CAST: variants seen among roughly 807,000 people sequenced by gnomAD.
CAST encodes calpastatin.
A neutral mutation model predicts 119.6 loss-of-function variants in CAST; 76 were observed. That is an observed-to-expected ratio of 0.64 (90% CI 0.53 to 0.77). CAST has a LOEUF of 0.77. Among genes scored for constraint, CAST ranks in the 30% least tolerant of loss-of-function variants. CAST has a pLI of 0.00. For synonymous variants in CAST, 319 were observed against 331.6 expected (o/e 0.96, Z 0.41); for missense variants, 953 against 946.5 (o/e 1.01, Z -0.09).
At chr5:96,359,714 A>T in the CAST span, among the ~76,000 whole-genome samples, 2 of 152,206 alleles carry the variant, frequency 1.3e-5, no homozygotes, top group Non-Finnish European at 2.9e-5. Context: ...TGTTAGGCTG[A>T]TGGGCTTCCC....
the CAST span, among the ~76,000 whole-genome samples, chr5:96,516,693 T>C: frequency 6.6e-6 from 1 of 152,222 alleles, no homozygotes; most frequent in East Asian, 1.9e-4. Context: ...TGAAGAAGAA[T>C]GTGTATGATT....
chr5:96,142,397 C>T, the CAST span, among the ~76,000 whole-genome samples: 1 of 152,168 alleles, frequency 6.6e-6, no homozygotes, highest in African/African-American at 2.4e-5. Flanking sequence ...CTGGGCAACA[C>T]AGCAAGACTC....
the CAST span, among the ~76,000 whole-genome samples, chr5:96,240,956 A>G: frequency 6.6e-6 from 1 of 152,120 alleles, no homozygotes; most frequent in Non-Finnish European, 1.5e-5. Context: ...ACAATACAGA[A>G]TGAAATTTAT....
chr5:96,163,490 G>A, the CAST span, among the ~76,000 whole-genome samples: 5 of 152,098 alleles, frequency 3.3e-5, no homozygotes, highest in Admixed American at 2.6e-4. Context: ...ATATTCTTAT[G>A]TTCTGATACT....
chr5:96,745,971 C>T (rs1763673511), intron 16 of CAST, among the ~76,000 whole-genome samples: 1 of 152,186 alleles, frequency 6.6e-6, no homozygotes, highest in African/African-American at 2.4e-5. Flanking sequence ...TTCAAAGGAT[C>T]TTTTATTTAC....
At chr5:96,762,058 A>G (rs1298745186) in intron 24 of CAST, 1 of 387,862 alleles carries the variant, frequency 2.6e-6, no homozygotes, top group Admixed American at 4.2e-5. Context: ...TAGAATAATC[A>G]ATATGAGAAG....
chr5:96,769,350 C>T (rs1412221277), intron 29 of CAST: 1 of 149,856 alleles, frequency 6.7e-6, no homozygotes, highest in African/African-American at 2.4e-5. Flanking sequence ...GGTTGTTTCC[C>T]ATTGTTCATT....
chr5:96,583,464 A>G (rs1383307505), intron 1 of CAST, among the ~76,000 whole-genome samples: 1 of 152,204 alleles, frequency 6.6e-6, no homozygotes, highest in African/African-American at 2.4e-5. Context: ...TTCTAGATCC[A>G]CTATCTTTAA....
chr5:96,538,582 T>A (rs1745859543), intron 1 of CAST, among the ~76,000 whole-genome samples: 1 of 152,128 alleles, frequency 6.6e-6, no homozygotes, highest in Non-Finnish European at 1.5e-5. Flanking sequence ...GATAATATAG[T>A]CAGAATTAAT....
chr5:96,008,094 C>A, the CAST span, among the ~76,000 whole-genome samples: 2 of 152,190 alleles, frequency 1.3e-5, no homozygotes, highest in African/African-American at 4.8e-5. Context: ...GACTTCCCAG[C>A]CTCTAAAACT....
intron 1 of CAST, among the ~76,000 whole-genome samples, chr5:96,674,836 G>A (rs1750506570): frequency 6.6e-6 from 1 of 152,156 alleles, no homozygotes; most frequent in Non-Finnish European, 1.5e-5. Flanking sequence ...CACAAGAAAT[G>A]ATGAATGTTT....
the CAST span, chr5:96,390,449 G>T: frequency 6.6e-6 from 1 of 152,374 alleles, no homozygotes; most frequent in East Asian, 1.9e-4. Context: ...TAATGTGGAA[G>T]TTCCCTTAAG....
the CAST span, among the ~76,000 whole-genome samples, chr5:96,350,079 G>A: frequency 6.6e-6 from 1 of 152,142 alleles, no homozygotes; most frequent in African/African-American, 2.4e-5. Flanking sequence ...AAGTGTCTGC[G>A]ACAGGTCTCA....
chr5:96,082,094 A>G, the CAST span, among the ~76,000 whole-genome samples: 1 of 152,106 alleles, frequency 6.6e-6, no homozygotes, highest in Non-Finnish European at 1.5e-5. Flanking sequence ...TTGTATTTTT[A>G]GTAGAGACGG....
the CAST span, among the ~76,000 whole-genome samples, chr5:96,010,207 T>G: frequency 6.6e-6 from 1 of 152,202 alleles, no homozygotes; most frequent in Non-Finnish European, 1.5e-5. Flanking sequence ...TCTTATAGTA[T>G]AGCTTGAGAT....
intron 3 of CAST, among the ~76,000 whole-genome samples, chr5:96,712,182 T>C (rs1244116806): frequency 6.6e-6 from 1 of 152,230 alleles, no homozygotes; most frequent in African/African-American, 2.4e-5. Context: ...TGGAATGTAA[T>C]GCAGTGGAAT....
In CAST at chr5:96,767,924, A is replaced by T. The variant is rs144830846; in HGVS notation, c.2193A>T (p.Gln731His). ...SEDSKKPADD[Q>H]DPIDALSGDL... ...TATCTCAGAAACCTGCAGATGACCA[A>T]GACCCCATTGATGCTCTCTCAGGAG... Residue 731 changes from glutamine (Q) to histidine (H), a missense_variant, in exon 29 of 32, where the codon CAA becomes CAT. By Grantham distance (24) the Gln-to-His change is conservative. Transcript: ENST00000675179. 27 of 1,613,158 alleles carry T rather than the reference A, an allele frequency of 1.7e-5. No individual in the cohort carries two copies. The African/African-American group carries it at 3.5e-4, about 21-fold the overall frequency.
chr5:96,544,011 C>T (rs1440843772), intron 1 of CAST, among the ~76,000 whole-genome samples: 1 of 152,186 alleles, frequency 6.6e-6, no homozygotes, highest in Non-Finnish European at 1.5e-5. Flanking sequence ...AGTCCTCCAC[C>T]TTGCTTCTTC....
At chr5:96,155,861 TCA>T in the CAST span, among the ~76,000 whole-genome samples, 2 of 152,190 alleles carry the variant, frequency 1.3e-5, no homozygotes, top group Non-Finnish European at 2.9e-5. Flanking sequence ...GTCCAAGATC[TCA>T]CAGTCTATGC....
Sources: allele counts gnomAD v4.1 joint callset (sites outside exome capture counted in the v4.1 genomes callset), GRCh38; gene constraint gnomAD v4.1.1; transcripts MANE v1.5; gene names NCBI Gene and HGNC (gene_info 2026-07-23, HGNC 2026-07-21).